Variants in SLC28A3 observed in about 807,000 individuals in gnomAD.
SLC28A3 encodes the protein concentrative Na(+)-nucleoside cotransporter 3.
In SLC28A3, 68 loss-of-function variants were observed where a neutral mutation model predicts 84.2. That is an observed-to-expected ratio of 0.81 (90% CI 0.66 to 0.99). The LOEUF is 0.99. SLC28A3 is among the 50% of genes least tolerant of loss of function. The pLI is 0.00. For synonymous variants in SLC28A3, 267 were observed against 303.6 expected (o/e 0.88, Z 1.25); for missense variants, 712 against 841.5 (o/e 0.85, Z 1.90).
intron 1 of SLC28A3, among the ~76,000 whole-genome samples, chr9:84,339,300 A>C (rs1331091111): frequency 1.3e-5 from 2 of 151,998 alleles, no homozygotes; most frequent in East Asian, 3.9e-4. Context: ...ACCAGGCTGG[A>C]GTACAGAGGC....
At position 84,313,362 on chromosome 9, in the gene SLC28A3, T is replaced by C; in HGVS notation, c.153A>G (p.Lys51=). The change falls in exon 2 of 18, where the codon AAA becomes AAG. Residue 51 remains lysine (K), a synonymous_variant. Transcript: ENST00000376238. ...AVQSREHTNT[K]QDEEQVTVEQ... Reference sequence around the variant, plus strand: ...ATGCACCACAGTCTTGCTGTACCTGTTTGGTGTTTGTGTGCTCCCTGCTTT... The same window carrying C: ...ATGCACCACAGTCTTGCTGTACCTGCTTGGTGTTTGTGTGCTCCCTGCTTT... The C allele has an allele frequency of 6.2e-7, 1 of 1,613,902 alleles. No individual in the cohort carries two copies. The highest frequency in any genetic ancestry group is 8.5e-7 in the Non-Finnish European group (1 of 1,179,852).
the SLC28A3 span, among the ~76,000 whole-genome samples, chr9:84,360,078 G>C: frequency 6.6e-6 from 1 of 151,874 alleles, no homozygotes; most frequent in South Asian, 2.1e-4. Context: ...AGACTCTGAC[G>C]TGGGAAGGAA....
the SLC28A3 span, among the ~76,000 whole-genome samples, chr9:84,346,564 ATTAATG>A: frequency 1.3e-5 from 2 of 152,000 alleles, no homozygotes; most frequent in Non-Finnish European, 1.5e-5. Flanking sequence ...ATCAAATAAT[ATTAATG>A]TTAATAATAA....
intron 3 of SLC28A3, among the ~76,000 whole-genome samples, chr9:84,306,644 A>T (rs1399288902): frequency 6.6e-6 from 1 of 152,066 alleles, no homozygotes; most frequent in Admixed American, 6.6e-5. Flanking sequence ...CACACAAGAG[A>T]ACTTCTCAGT....
intron 2 of SLC28A3, among the ~76,000 whole-genome samples, chr9:84,311,045 G>A (rs1373690796): frequency 1.3e-5 from 2 of 151,968 alleles, no homozygotes; most frequent in African/African-American, 2.4e-5. Context: ...CATCTGCACC[G>A]CTCTTTCCTT....
chr9:84,293,123 TGA>T (rs571537974), intron 9 of SLC28A3, among the ~76,000 whole-genome samples: 2 of 152,252 alleles, frequency 1.3e-5, no homozygotes, highest in African/African-American at 2.4e-5. Flanking sequence ...AATAACTCTT[TGA>T]GAGAGGTCCT....
the SLC28A3 span, among the ~76,000 whole-genome samples, chr9:84,360,899 G>T: frequency 1.3e-5 from 2 of 152,042 alleles, no homozygotes; most frequent in Non-Finnish European, 2.9e-5. Flanking sequence ...GCAAGACCTT[G>T]TCTCAAAATA....
chr9:84,323,641 T>C (rs1826453786), intron 1 of SLC28A3, among the ~76,000 whole-genome samples: 1 of 152,040 alleles, frequency 6.6e-6, no homozygotes, highest in South Asian at 2.1e-4. Flanking sequence ...GCCAGGCTGG[T>C]CTCGAATTCC....
At chr9:84,287,743 A>G (rs1283615233) in intron 12 of SLC28A3, among the ~76,000 whole-genome samples, 2 of 152,120 alleles carry the variant, frequency 1.3e-5, no homozygotes, top group Non-Finnish European at 2.9e-5. Flanking sequence ...AGTATCAGCT[A>G]CTTAAGAGGC....
chr9:84,318,969 A>T (rs10122651), intron 1 of SLC28A3, among the ~76,000 whole-genome samples: 1 of 151,934 alleles, frequency 6.6e-6, no homozygotes, highest in African/African-American at 2.4e-5. Flanking sequence ...GAAATTATGA[A>T]AAAAAGAGAG....
At chr9:84,346,348 G>A in the SLC28A3 span, among the ~76,000 whole-genome samples, 1 of 152,182 alleles carries the variant, frequency 6.6e-6, no homozygotes, top group Non-Finnish European at 1.5e-5. Context: ...CCTGCCTTAT[G>A]CATGCAGTTC....
chr9:84,287,014 G>C (rs571495206), intron 12 of SLC28A3, among the ~76,000 whole-genome samples: 1 of 152,100 alleles, frequency 6.6e-6, no homozygotes, highest in African/African-American at 2.4e-5. Flanking sequence ...GACCAGTCTG[G>C]ACAACATGGT....
chr9:84,326,608 C>T lies in SLC28A3; in HGVS notation c.61-13154G>A, dbSNP rs530297366. On this transcript the variant is annotated intron_variant, in intron 1 of 17. Transcript: ENST00000376238. ...CCTGACATGACATCCTTGTGGCAAT[C>T]TGTCTAGGCCTATAGATGGATTAAA... Among the ~76,000 whole-genome samples the T allele has an allele frequency of 1.1e-4, 16 of 151,818 alleles. No individual in the cohort carries two copies. In the East Asian group the frequency reaches 2.1e-3, roughly 20 times the overall value.
At position 84,307,437 on chromosome 9, in the gene SLC28A3, A is replaced by AAAAAAAAAAAC. The variant is rs1554726619; in HGVS notation, c.243-2093_243-2092insGTTTTTTTTTT. Among the ~76,000 whole-genome samples the AAAAAAAAAAAC allele has an allele frequency of 4.2e-4, 47 of 111,042 alleles. 1 individual carries two copies. Among genetic ancestry groups the AAAAAAAAAAAC allele is most frequent in the East Asian group, 1.9e-3 (8 of 4,188 alleles). 72.8% of individuals were successfully genotyped at this position (111,042 alleles called of 152,430 possible). ...CAGAGCGAGACTCCATCTCAAAAAA[A>AAAAAAAAAAAC]AAAAAAAACAAAAACAAAAACAAAA... On this transcript the variant is annotated intron_variant, in intron 3 of 17. Transcript: ENST00000376238.
chr9:84,352,476 C>A, the SLC28A3 span, among the ~76,000 whole-genome samples: 2 of 152,074 alleles, frequency 1.3e-5, no homozygotes, highest in Non-Finnish European at 1.5e-5. Context: ...AGCCACTGCA[C>A]CCAGCCAAAA....
the SLC28A3 span, among the ~76,000 whole-genome samples, chr9:84,367,318 C>G: frequency 6.6e-6 from 1 of 152,150 alleles, no homozygotes; most frequent in East Asian, 1.9e-4. Flanking sequence ...AGGGCAGGTC[C>G]AGAGATATCC....
upstream of SLC28A3, among the ~76,000 whole-genome samples, chr9:84,342,240 T>C (rs1827178174): frequency 6.6e-6 from 1 of 151,574 alleles, no homozygotes; most frequent in Non-Finnish European, 1.5e-5. Context: ...TGTTTTTTTT[T>C]TCTCCTTCAA....
chr9:84,364,536 T>A, the SLC28A3 span, among the ~76,000 whole-genome samples: 8 of 152,332 alleles, frequency 5.3e-5, no homozygotes, highest in East Asian at 1.2e-3. Flanking sequence ...TACGCTTTTT[T>A]AAGTTATTTT....
At chr9:84,327,196 T>C (rs530426214) in intron 1 of SLC28A3, among the ~76,000 whole-genome samples, 8 of 152,270 alleles carry the variant, frequency 5.3e-5, no homozygotes, top group African/African-American at 1.9e-4. Context: ...GGGCCTCAAT[T>C]ATTTTCCCCA....
Sources: allele counts gnomAD v4.1 joint callset (sites outside exome capture counted in the v4.1 genomes callset), GRCh38; gene constraint gnomAD v4.1.1; transcripts MANE v1.5; gene names NCBI Gene and HGNC (gene_info 2026-07-23, HGNC 2026-07-21).